DCDC2C: variants seen among roughly 807,000 people sequenced by gnomAD.
DCDC2C encodes doublecortin domain-containing protein 2C.
A neutral mutation model predicts 45.0 loss-of-function variants in DCDC2C; 44 were observed. The ratio of observed to expected loss-of-function variants is 0.98; its 90% CI spans 0.77 to 1.26. The LOEUF is 1.26. Ranked by LOEUF, DCDC2C falls within the 50% of genes most tolerant of loss-of-function variation. The pLI, the probability that DCDC2C is intolerant of heterozygous loss-of-function variation, is 0.00. For synonymous variants in DCDC2C, 187 were observed against 178.8 expected, an observed-to-expected ratio of 1.05 and a Z score of -0.37; for missense variants, 447 against 468.9, an observed-to-expected ratio of 0.95 and a Z score of 0.43.
intron 1 of DCDC2C, 93 bp downstream of exon 1, chr2:3,704,131 C>G (rs951555907): frequency 1.8e-5 from 20 of 1,100,108 alleles, no homozygotes; most frequent in South Asian, 9.5e-5. Context: ...GGTGTCCTCC[C>G]CAGGCTTCCC....
intron 10 of DCDC2C, among the ~76,000 whole-genome samples, chr2:3,805,589 T>C (rs1163072934): frequency 6.6e-6 from 1 of 152,216 alleles, no homozygotes; most frequent in African/African-American, 2.4e-5. Flanking sequence ...TCCAGTCTAG[T>C]GCTTCTGTGA....
Position 3,778,809 on chromosome 2 carries a change from T to A in DCDC2C, c.955-7T>A, listed in dbSNP as rs1416912974. On this transcript the variant is annotated splice_polypyrimidine_tract_variant and splice_region_variant and intron_variant, in intron 8 of 10. Transcript: ENST00000399143. ...AGTTGATAAAATGTGGTGTATTTTC[T>A]CCCCAGAGACAAGCTGAGATAGTTA... The A allele has an allele frequency of 2.6e-6, 4 of 1,550,396 alleles. No individual in the cohort carries two copies. The highest frequency in any genetic ancestry group is 2.4e-5 in the South Asian group (2 of 83,902).
At chr2:3,741,694 T>C (rs995164064) in intron 3 of DCDC2C, among the ~76,000 whole-genome samples, 56 of 147,460 alleles carry the variant, frequency 3.8e-4, no homozygotes, top group African/African-American at 1.4e-3. Flanking sequence ...AAAGCACACA[T>C]ACACACACAC....
intron 10 of DCDC2C, among the ~76,000 whole-genome samples, chr2:3,830,667 A>AGG (rs1198515342): frequency 6.6e-5 from 10 of 152,078 alleles, no homozygotes; most frequent in Admixed American, 6.5e-4. Flanking sequence ...GGCAGGTTAA[A>AGG]GGGGAGCCAT....
chr2:3,715,096 ATTTAT>A (rs1023017494), intron 2 of DCDC2C, among the ~76,000 whole-genome samples: 6 of 152,214 alleles, frequency 3.9e-5, no homozygotes, highest in African/African-American at 1.4e-4. Context: ...TTATAAATGT[ATTTAT>A]TTAAACAAAA....
intron 10 of DCDC2C, among the ~76,000 whole-genome samples, chr2:3,836,648 G>T (rs1428204942): frequency 6.6e-6 from 1 of 152,098 alleles, no homozygotes; most frequent in Non-Finnish European, 1.5e-5. Context: ...GGACCACAAG[G>T]TCAGGAGATT....
rs565960076 is a variant in DCDC2C, at chr2:3,732,464, C to A, written c.416+5385C>A. On this transcript the variant is annotated intron_variant, in intron 3 of 10. Transcript: ENST00000399143. ...TATATATTTAGCCATGAGACATGGA[C>A]AAAGGTTGAACACCTTGTAATTTGA... 7.4e-4 allele frequency among the ~76,000 whole-genome samples: 112 copies of A among 152,092 alleles called. 1 individual carries two copies. In the South Asian group the frequency reaches 0.015, roughly 20 times the overall value.
intron 10 of DCDC2C, among the ~76,000 whole-genome samples, chr2:3,837,125 G>A (rs1672100708): frequency 1.3e-5 from 2 of 152,124 alleles, no homozygotes; most frequent in Non-Finnish European, 2.9e-5. Context: ...CGCTTCTGAG[G>A]AACATGAGGG....
chr2:3,814,334 G>A (rs1362040763), intron 10 of DCDC2C, among the ~76,000 whole-genome samples: 1 of 152,100 alleles, frequency 6.6e-6, no homozygotes, highest in African/African-American at 2.4e-5. Flanking sequence ...ACTTGTGTAT[G>A]CTTCACAAAG....
intron 10 of DCDC2C, among the ~76,000 whole-genome samples, chr2:3,843,005 G>A (rs529607047): frequency 4.6e-5 from 7 of 152,302 alleles, no homozygotes; most frequent in Admixed American, 2.0e-4. Context: ...GGCCATTGTC[G>A]CCATGCCCTC....
chr2:3,716,592 C>T (rs770128154), intron 2 of DCDC2C, among the ~76,000 whole-genome samples: 1 of 151,926 alleles, frequency 6.6e-6, no homozygotes, highest in Non-Finnish European at 1.5e-5. Flanking sequence ...GGAAACAGAG[C>T]GAAGAGAGTT....
chr2:3,756,731 A>G (rs1299112844), intron 6 of DCDC2C, among the ~76,000 whole-genome samples: 1 of 152,170 alleles, frequency 6.6e-6, no homozygotes, highest in Non-Finnish European at 1.5e-5. Flanking sequence ...TTTTCTGAAT[A>G]TGTTTTGCCA....
intron 10 of DCDC2C, among the ~76,000 whole-genome samples, chr2:3,833,345 G>A (rs953990405): frequency 2.0e-5 from 3 of 152,126 alleles, no homozygotes; most frequent in East Asian, 1.9e-4. Flanking sequence ...TTTGGGGGCC[G>A]TTATTCTGCC....
chr2:3,792,515 T>G (rs1200964434), intron 10 of DCDC2C, among the ~76,000 whole-genome samples: 1 of 152,230 alleles, frequency 6.6e-6, no homozygotes, highest in African/African-American at 2.4e-5. Context: ...TTAAGATATA[T>G]GAATTATTTC....
intron 2 of DCDC2C, among the ~76,000 whole-genome samples, chr2:3,726,464 C>T: frequency 6.6e-6 from 1 of 152,150 alleles, no homozygotes; most frequent in African/African-American, 2.4e-5. Flanking sequence ...GAGACTGAAG[C>T]TGTCACCAGG....
chr2:3,751,832 C>A (rs1669552312), intron 4 of DCDC2C, among the ~76,000 whole-genome samples: 1 of 152,170 alleles, frequency 6.6e-6, no homozygotes, highest in African/African-American at 2.4e-5. Flanking sequence ...CTCACTAGTG[C>A]TAAAACATAG....
At chr2:3,800,886 T>C (rs1462160059) in intron 10 of DCDC2C, among the ~76,000 whole-genome samples, 1 of 152,200 alleles carries the variant, frequency 6.6e-6, no homozygotes, top group African/African-American at 2.4e-5. Flanking sequence ...TTACCTGCCA[T>C]TGTTTTTGTA....
chr2:3,740,972 A>T (rs73142899), intron 3 of DCDC2C, among the ~76,000 whole-genome samples: 1 of 152,168 alleles, frequency 6.6e-6, no homozygotes, highest in African/African-American at 2.4e-5. Flanking sequence ...GATATCAATG[A>T]TATCATTTAT....
chr2:3,711,086 G>A (rs1668195727), intron 2 of DCDC2C, among the ~76,000 whole-genome samples: 1 of 152,166 alleles, frequency 6.6e-6, no homozygotes, highest in African/African-American at 2.4e-5. Context: ...AGCAACTTCT[G>A]TTTTTTGACT....
Sources: gnomAD v4.1 joint callset for allele counts (sites outside exome capture counted in the v4.1 genomes callset) on GRCh38, gnomAD v4.1.1 for gene constraint, MANE v1.5 for transcripts, NCBI Gene and HGNC (gene_info 2026-07-23, HGNC 2026-07-21) for gene names.